Variants in TLR6 observed in about 807,000 individuals in gnomAD.
TLR6 encodes toll-like receptor 6.
Under a neutral mutation model 16.1 loss-of-function variants are expected in TLR6, and 9 were observed. The ratio of observed to expected loss-of-function variants is 0.56; its 90% CI spans 0.34 to 0.98. TLR6 has a LOEUF of 0.98. TLR6 is among the 50% of genes least tolerant of loss of function. The pLI, the probability that TLR6 is intolerant of heterozygous loss-of-function variation, is 0.02. For synonymous variants in TLR6, 340 were observed against 338.6 expected, an observed-to-expected ratio of 1.00 and a Z score of -0.04; for missense variants, 786 against 921.0, an observed-to-expected ratio of 0.85 and a Z score of 1.90.
chr4:38,863,700 A>T, the TLR6 span, among the ~76,000 whole-genome samples: 1 of 152,158 alleles, frequency 6.6e-6, no homozygotes, highest in African/African-American at 2.4e-5. Context: ...GTCCATAAGC[A>T]AACACCTCTC....
the TLR6 span, among the ~76,000 whole-genome samples, chr4:38,862,336 G>A: frequency 6.6e-6 from 1 of 152,078 alleles, no homozygotes; most frequent in African/African-American, 2.4e-5. Flanking sequence ...CTGGAGTGCA[G>A]TGGCATGATC....
At chr4:38,834,247 A>T (rs10034699) in intron 1 of TLR6, among the ~76,000 whole-genome samples, 91,202 of 147,240 alleles carry the variant, frequency 0.62, 29,464 homozygotes, top group African/African-American at 0.8. Context: ...TCAAAAAAAA[A>T]ATATATATAT....
At chr4:38,860,075 T>TAATAAATA (rs199763798), upstream of TLR6, among the ~76,000 whole-genome samples, 1 of 151,924 alleles carries the variant, frequency 6.6e-6, no homozygotes, top group Admixed American at 6.6e-5. Context: ...TTTCTCCAGA[T>TAATAAATA]AATAAATAAA....
At chr4:38,857,595 G>A (rs1387796996), upstream of TLR6, among the ~76,000 whole-genome samples, 1 of 151,944 alleles carries the variant, frequency 6.6e-6, no homozygotes, top group Non-Finnish European at 1.5e-5. Flanking sequence ...AGGACAGAAG[G>A]CATGAGTGAA....
At chr4:38,839,354 A>G (rs1370428981) in intron 1 of TLR6, among the ~76,000 whole-genome samples, 2 of 152,168 alleles carry the variant, frequency 1.3e-5, no homozygotes, top group African/African-American at 4.8e-5. Flanking sequence ...CATTGGACTT[A>G]CTAGGCAAAG....
intron 1 of TLR6, among the ~76,000 whole-genome samples, chr4:38,835,901 G>A (rs1483557707): frequency 5.3e-5 from 8 of 151,560 alleles, no homozygotes. Context: ...TTAAATAGGA[G>A]GTAAAAAAGT....
chr4:38,826,940 C>T (rs977852353), exon 2 of TLR6: 6 of 700,016 alleles, frequency 8.6e-6, no homozygotes, highest in Non-Finnish European at 1.1e-5. Context: ...TAGCTCAGTT[C>T]CCCAGATGAA....
chr4:38,859,078 C>T (rs948795561), upstream of TLR6, among the ~76,000 whole-genome samples: 1 of 152,278 alleles, frequency 6.6e-6, no homozygotes. Context: ...CTCCACTTAG[C>T]GCAGCTGGGT....
intron 1 of TLR6, among the ~76,000 whole-genome samples, chr4:38,856,300 A>G (rs1188119947): frequency 6.6e-6 from 1 of 152,204 alleles, no homozygotes; most frequent in Non-Finnish European, 1.5e-5. Flanking sequence ...CTTATGAATT[A>G]GGGACAGACA....
At chr4:38,858,542 A>G (rs1054935345), upstream of TLR6, among the ~76,000 whole-genome samples, 1 of 151,984 alleles carries the variant, frequency 6.6e-6, no homozygotes, top group Non-Finnish European at 1.5e-5. Context: ...TAACATGGCG[A>G]AACCCTGTCT....
chr4:38,843,644 T>C (rs1297229041), intron 1 of TLR6: 1 of 152,220 alleles, frequency 6.6e-6, no homozygotes, highest in African/African-American at 2.4e-5. Context: ...CCAACCTTTC[T>C]TTGGAAGAGT....
chr4:38,867,047 A>T, the TLR6 span, among the ~76,000 whole-genome samples: 1 of 152,222 alleles, frequency 6.6e-6, no homozygotes, highest in Non-Finnish European at 1.5e-5. Flanking sequence ...TCCGCATCTG[A>T]GTTCATATTA....
intron 1 of TLR6, among the ~76,000 whole-genome samples, chr4:38,837,813 G>A (rs1169693777): frequency 1.3e-5 from 2 of 151,984 alleles, no homozygotes; most frequent in Admixed American, 1.3e-4. Context: ...TAGATAACAG[G>A]GTTAAATGGG....
chr4:38,848,376 C>T (rs1277186614), intron 1 of TLR6, among the ~76,000 whole-genome samples: 2 of 152,218 alleles, frequency 1.3e-5, no homozygotes, highest in Non-Finnish European at 2.9e-5. Context: ...ATCAGAGCAC[C>T]TCTCCCACTC....
At chr4:38,865,533 A>C in the TLR6 span, among the ~76,000 whole-genome samples, 1 of 152,204 alleles carries the variant, frequency 6.6e-6, no homozygotes, top group East Asian at 1.9e-4. Context: ...AGGGAAGGGA[A>C]GGCAGGTTAG....
At chr4:38,858,096 TA>T (rs1426158670), upstream of TLR6, among the ~76,000 whole-genome samples, 1 of 152,220 alleles carries the variant, frequency 6.6e-6, no homozygotes, top group Non-Finnish European at 1.5e-5. Context: ...GAGGCTGTCA[TA>T]ACTCAGAAAC....
At chr4:38,837,916 C>T (rs1448772087) in intron 1 of TLR6, among the ~76,000 whole-genome samples, 1 of 151,882 alleles carries the variant, frequency 6.6e-6, no homozygotes, top group Non-Finnish European at 1.5e-5. Context: ...AATAATAATC[C>T]TATGAAAAAG....
At chr4:38,844,808 C>A (rs1487753012) in intron 1 of TLR6, among the ~76,000 whole-genome samples, 1 of 152,156 alleles carries the variant, frequency 6.6e-6, no homozygotes, top group African/African-American at 2.4e-5. Flanking sequence ...AATCCCAGCA[C>A]TTTGGGAGGC....
At chr4:38,826,870 C>T in exon 2 of TLR6, 1 of 437,836 alleles carries the variant, frequency 2.3e-6, no homozygotes, top group Non-Finnish European at 4.0e-6. Flanking sequence ...CAATTTGAAA[C>T]ATAATGATTA....
Sources: allele counts gnomAD v4.1 joint callset (sites outside exome capture counted in the v4.1 genomes callset), GRCh38; gene constraint gnomAD v4.1.1; transcripts MANE v1.5; gene names NCBI Gene and HGNC (gene_info 2026-07-23, HGNC 2026-07-21).